Variants in DIAPH3 observed in about 807,000 individuals in gnomAD.
DIAPH3 encodes the protein protein diaphanous homolog 3.
A neutral mutation model predicts 144.3 loss-of-function variants in DIAPH3; 117 were observed. The observed-to-expected ratio is 0.81, with a 90% CI of 0.70 to 0.95. The LOEUF (loss-of-function observed/expected upper bound fraction) is 0.95, where lower values mean the gene tolerates loss of function less well. Among genes scored for constraint, DIAPH3 ranks in the 40% least tolerant of loss-of-function variants. DIAPH3 has a pLI of 0.00. For missense variants in DIAPH3, 1,421 were observed against 1,412.7 expected (o/e 1.01, Z -0.09); for synonymous variants, 519 against 488.9 (o/e 1.06, Z -0.81).
chr13:59,703,080 C>A (rs2034204354), intron 27 of DIAPH3, among the ~76,000 whole-genome samples: 1 of 152,120 alleles, frequency 6.6e-6, no homozygotes, highest in Non-Finnish European at 1.5e-5. Flanking sequence ...CCTTTCTTTT[C>A]TCTTTCTTTC....
At chr13:60,042,656 A>T in intron 5 of DIAPH3, 34 bp downstream of exon 5, 1 of 1,612,664 alleles carries the variant, frequency 6.2e-7, no homozygotes, top group Non-Finnish European at 8.5e-7. Flanking sequence ...CATTAATGAC[A>T]TCTGCCCTGT....
chr13:59,946,547 C>T (rs1370948242), intron 17 of DIAPH3, among the ~76,000 whole-genome samples: 1 of 152,104 alleles, frequency 6.6e-6, no homozygotes, highest in Non-Finnish European at 1.5e-5. Context: ...AGTATATAGA[C>T]AGCTAATTTG....
intron 18 of DIAPH3, among the ~76,000 whole-genome samples, chr13:59,920,760 C>A (rs1393363844): frequency 6.6e-5 from 10 of 151,672 alleles, no homozygotes; most frequent in Non-Finnish European, 1.0e-4. Flanking sequence ...ATTTACAGAA[C>A]ATTTCATATA....
intron 9 of DIAPH3, among the ~76,000 whole-genome samples, chr13:59,996,372 A>G (rs2052188966): frequency 6.6e-6 from 1 of 152,088 alleles, no homozygotes. Context: ...TACAAATTCA[A>G]TTCTAATGGT....
intron 27 of DIAPH3, among the ~76,000 whole-genome samples, chr13:59,671,022 A>T (rs766898201): frequency 1.1e-4 from 17 of 152,176 alleles, no homozygotes; most frequent in Non-Finnish European, 2.1e-4. Context: ...CTTATATAGA[A>T]ATCTTATTAT....
At chr13:59,702,309 G>T (rs972895271) in intron 27 of DIAPH3, among the ~76,000 whole-genome samples, 3 of 152,074 alleles carry the variant, frequency 2.0e-5, no homozygotes, top group Admixed American at 2.0e-4. Context: ...TGTCATAAAA[G>T]AAATTACGCT....
At chr13:60,124,514 GA>G (rs2058934371) in intron 2 of DIAPH3, among the ~76,000 whole-genome samples, 2 of 151,888 alleles carry the variant, frequency 1.3e-5, no homozygotes, top group Non-Finnish European at 2.9e-5. Context: ...TCTCATCTTA[GA>G]AAACATCTTA....
At chr13:59,743,419 G>A (rs1397333982) in intron 27 of DIAPH3, among the ~76,000 whole-genome samples, 1 of 152,092 alleles carries the variant, frequency 6.6e-6, no homozygotes, top group East Asian at 1.9e-4. Context: ...TTTCCAACAT[G>A]GGGGAGCAAG....
At chr13:59,956,434 T>C (rs917214053) in intron 17 of DIAPH3, among the ~76,000 whole-genome samples, 1 of 152,186 alleles carries the variant, frequency 6.6e-6, no homozygotes, top group African/African-American at 2.4e-5. Flanking sequence ...CCCCAAGCCT[T>C]GGCGGCTTAC....
chr13:60,012,638 T>C lies in DIAPH3; in HGVS notation c.772-1969A>G, dbSNP rs138369130. On this transcript the variant is annotated intron_variant, in intron 7 of 27. Coordinates refer to ENST00000400324, the MANE Select transcript of DIAPH3 (RefSeq NM_001042517.2). ...TAGCATTTCCCCTTCTTTTCCCACC[T>C]ACCTGGTTGTCCTTAGCTAACACCT... is the stretch of plus-strand genomic sequence containing the variant. 1,219 of 152,614 alleles carry C rather than the reference T, an allele frequency of 8.0e-3. 26 individuals carry two copies. The highest frequency in any genetic ancestry group is 0.049 in the Admixed American group (755 of 15,288). 9.5% of individuals were successfully genotyped at this position (152,614 alleles called of 1,614,324 possible).
At chr13:59,691,150 G>A (rs904705759) in intron 27 of DIAPH3, among the ~76,000 whole-genome samples, 1 of 152,050 alleles carries the variant, frequency 6.6e-6, no homozygotes, top group East Asian at 1.9e-4. Flanking sequence ...ACACAGGAAG[G>A]CAGGATGGCT....
rs536074864 is a variant in DIAPH3, at chr13:60,012,377, TAAAC to T, written c.772-1712_772-1709del. 2.4e-3 allele frequency among the ~76,000 whole-genome samples: 368 copies of T among 152,324 alleles called. 1 individual carries two copies. The highest frequency in any genetic ancestry group is 8.4e-3 in the African/African-American group (349 of 41,574). On this transcript the variant is annotated intron_variant, in intron 7 of 27. Transcript: ENST00000400324. ...AGGGAAAAGTTTACAACAAGACAGCTAAACAGTCAGGAAATACTTACTTTTATGA... is the reference window on the plus strand; with the variant it reads ...AGGGAAAAGTTTACAACAAGACAGCTAGTCAGGAAATACTTACTTTTATGA...
chr13:60,012,939 G>GT (rs1473411994), intron 7 of DIAPH3: 1 of 934,554 alleles, frequency 1.1e-6, no homozygotes, highest in Non-Finnish European at 1.3e-6. Context: ...CTACTACTCA[G>GT]TATCTATAAA....
At chr13:60,054,167 T>C (rs774981549) in intron 4 of DIAPH3, among the ~76,000 whole-genome samples, 4 of 152,044 alleles carry the variant, frequency 2.6e-5, no homozygotes, top group Non-Finnish European at 5.9e-5. Flanking sequence ...AATCTTTAAA[T>C]CACACTTAAA....
chr13:59,873,268 T>C (rs1357323331), intron 21 of DIAPH3, among the ~76,000 whole-genome samples: 1 of 152,166 alleles, frequency 6.6e-6, no homozygotes, highest in Non-Finnish European at 1.5e-5. Context: ...TAATAAAGAA[T>C]AAAAATCCCT....
intron 20 of DIAPH3, among the ~76,000 whole-genome samples, chr13:59,899,862 A>T (rs1420641058): frequency 7.2e-6 from 1 of 138,820 alleles, no homozygotes; most frequent in East Asian, 2.3e-4. Flanking sequence ...TCACAGTTGA[A>T]ATTTCAAACT....
intron 25 of DIAPH3, among the ~76,000 whole-genome samples, chr13:59,804,585 AGTTGTTGTT>A (rs372165377): frequency 2.6e-5 from 4 of 151,964 alleles, no homozygotes; most frequent in East Asian, 1.9e-4. Flanking sequence ...TAGTAGTAGC[AGTTGTTGTT>A]GTTGTTGTTG....
chr13:59,995,989 A>G (rs531325716), intron 9 of DIAPH3, among the ~76,000 whole-genome samples: 2 of 152,190 alleles, frequency 1.3e-5, no homozygotes, highest in East Asian at 1.9e-4. Flanking sequence ...GTTAAAAACC[A>G]TAAGTGAGGT....
chr13:59,861,601 A>G lies in DIAPH3; in HGVS notation c.2608-65T>C, dbSNP rs1000212994. 2.0e-6 allele frequency: 3 copies of G among 1,494,558 alleles called. No homozygotes were observed. In the African/African-American group the frequency reaches 4.1e-5, roughly 21 times the overall value. The allele number at this position is 1,494,558 out of a possible 1,614,324, so 92.6% of individuals were successfully genotyped here. ...GTATGTTGATATTCTGTCTACTTAA[A>G]TAATATTAATACTGTATTTTGTAGA... On this transcript the variant is annotated intron_variant, in intron 21 of 27. Coordinates refer to ENST00000400324, the MANE Select transcript of DIAPH3 (RefSeq NM_001042517.2).
Sources: allele counts gnomAD v4.1 joint callset (sites outside exome capture counted in the v4.1 genomes callset), GRCh38; gene constraint gnomAD v4.1.1; transcripts MANE v1.5; gene names NCBI Gene and HGNC (gene_info 2026-07-23, HGNC 2026-07-21).